FBXW8: variants seen among roughly 807,000 people sequenced by gnomAD.
FBXW8 encodes the protein F-box and WD repeat domain containing 8.
A neutral mutation model predicts 65.3 loss-of-function variants in FBXW8; 57 were observed. That is an observed-to-expected ratio of 0.87 (90% confidence interval 0.71 to 1.09). The LOEUF (loss-of-function observed/expected upper bound fraction) is 1.09, where lower values mean the gene tolerates loss of function less well. Ranked by LOEUF, FBXW8 falls within the 50% of genes least tolerant of loss-of-function variation. The pLI is 0.00. For synonymous variants in FBXW8, 308 were observed against 330.2 expected, an observed-to-expected ratio of 0.93 and a Z score of 0.73; for missense variants, 777 against 814.8, an observed-to-expected ratio of 0.95 and a Z score of 0.57.
Position 116,988,705 on chromosome 12 carries a change from G to C in FBXW8, c.1075G>C (p.Val359Leu). Residue 359 changes from valine to leucine, a missense_variant, in exon 7 of 11, where the codon GTG becomes CTG. By Grantham distance (32) the Val-to-Leu change is conservative. Coordinates refer to ENST00000652555, the MANE Select transcript of FBXW8 (RefSeq NM_153348.3). ...EIVPETRRYPVAVAAAGDLMY... is the reference protein window; with the variant it reads ...EIVPETRRYPLAVAAAGDLMY... ...AGTTCCAGAAACCAGAAGGTACCCTGTGGCAGTAGCCGCTGCTGGAGATCT... is the reference window on the plus strand; with the variant it reads ...AGTTCCAGAAACCAGAAGGTACCCTCTGGCAGTAGCCGCTGCTGGAGATCT... The C allele has an allele frequency of 1.2e-6, 2 of 1,614,162 alleles. No homozygotes were observed. Among genetic ancestry groups the C allele is most frequent in the Non-Finnish European group, 1.7e-6 (2 of 1,180,032 alleles).
chr12:117,002,432 G>C (rs750762730), intron 7 of FBXW8: 3 of 152,382 alleles, frequency 2.0e-5, no homozygotes, highest in Non-Finnish European at 4.4e-5. Flanking sequence ...CTGTTAAGGG[G>C]TGCCATGTTG....
At chr12:116,944,667 A>G (rs190730243) in intron 2 of FBXW8, among the ~76,000 whole-genome samples, 33 of 152,310 alleles carry the variant, frequency 2.2e-4, no homozygotes, top group South Asian at 8.3e-4. Context: ...TGATCCTGTG[A>G]TTAAGTAAAC....
At chr12:117,019,666 C>T (rs1209036076) in intron 8 of FBXW8, among the ~76,000 whole-genome samples, 4 of 152,142 alleles carry the variant, frequency 2.6e-5, no homozygotes, top group South Asian at 2.1e-4. Context: ...ATATAAGGTG[C>T]GCATACAGTT....
At chr12:116,990,538 T>C (rs1055499123) in intron 7 of FBXW8, among the ~76,000 whole-genome samples, 1 of 152,216 alleles carries the variant, frequency 6.6e-6, no homozygotes, top group African/African-American at 2.4e-5. Context: ...TTGTGTTATC[T>C]CATTTATTTT....
chr12:116,962,061 T>G (rs1884016236), intron 4 of FBXW8, among the ~76,000 whole-genome samples: 1 of 152,146 alleles, frequency 6.6e-6, no homozygotes, highest in Non-Finnish European at 1.5e-5. Flanking sequence ...GCCCCTCTCC[T>G]TCTGTACCAG....
chr12:117,012,712 T>G (rs1953855163), intron 8 of FBXW8, among the ~76,000 whole-genome samples: 2 of 152,170 alleles, frequency 1.3e-5, no homozygotes, highest in African/African-American at 4.8e-5. Flanking sequence ...AGGAGAACTA[T>G]GTCCTTGGCT....
intron 4 of FBXW8, among the ~76,000 whole-genome samples, chr12:116,954,111 C>CAAAAAAAA (rs59747365): frequency 9.9e-6 from 1 of 100,646 alleles, no homozygotes. Flanking sequence ...GACTCTGTCT[C>CAAAAAAAA]AAAAAAAAAA....
At chr12:116,930,258 G>C (rs1881665234) in intron 2 of FBXW8, among the ~76,000 whole-genome samples, 1 of 152,160 alleles carries the variant, frequency 6.6e-6, no homozygotes, top group Non-Finnish European at 1.5e-5. Context: ...TTCCTTAATG[G>C]CTGTGCTAAT....
chr12:117,018,941 C>A (rs1954023171), intron 8 of FBXW8, among the ~76,000 whole-genome samples: 1 of 151,898 alleles, frequency 6.6e-6, no homozygotes, highest in Non-Finnish European at 1.5e-5. Context: ...CTCTGATTAA[C>A]CAAATATGCA....
chr12:117,000,472 G>T lies in FBXW8; in HGVS notation c.1240-9851G>T, dbSNP rs559154260. ...TGCCAGCATGCATCAGAATCTACAGGAGACCTGATGAAAACACTGAGCACT... is the reference window on the plus strand; with the variant it reads ...TGCCAGCATGCATCAGAATCTACAGTAGACCTGATGAAAACACTGAGCACT... On this transcript the variant is annotated intron_variant, in intron 7 of 10. Transcript: ENST00000652555. Among the ~76,000 whole-genome samples, 3 of 152,366 alleles carry T rather than the reference G, an allele frequency of 2.0e-5. No individual in the cohort carries two copies. In the East Asian group the frequency reaches 5.8e-4, roughly 29 times the overall value.
At chr12:116,951,223 C>T (rs1016594272) in intron 4 of FBXW8, 4 of 152,190 alleles carry the variant, frequency 2.6e-5, no homozygotes, top group African/African-American at 9.7e-5. Flanking sequence ...CCTGGTGGCT[C>T]CTCTTTCTAA....
In FBXW8 at chr12:116,918,750, G is replaced by A. The variant is rs180921559; in HGVS notation, c.318+7395G>A. Reference sequence around the variant, plus strand: ...AGGTGAGGTCAGCTCTGCCTAAATTGTGTTGACTAAGAGTGGGAGTGGGAT... The same window carrying A: ...AGGTGAGGTCAGCTCTGCCTAAATTATGTTGACTAAGAGTGGGAGTGGGAT... On this transcript the variant is annotated intron_variant, in intron 1 of 10. Transcript: ENST00000652555. Among the ~76,000 whole-genome samples, 44 of 152,322 alleles carry A rather than the reference G, an allele frequency of 2.9e-4. No homozygotes were observed. In the East Asian group the frequency reaches 4.6e-3, roughly 16 times the overall value.
chr12:116,918,633 C>T (rs985892160), intron 1 of FBXW8, among the ~76,000 whole-genome samples: 1 of 152,154 alleles, frequency 6.6e-6, no homozygotes, highest in Non-Finnish European at 1.5e-5. Flanking sequence ...CCTAAATTCC[C>T]ATTGCTGCAA....
intron 1 of FBXW8, among the ~76,000 whole-genome samples, chr12:116,926,895 T>C (rs4766812): frequency 0.69 from 105,208 of 152,042 alleles, 40,609 homozygotes; most frequent in Non-Finnish European, 0.85. Context: ...TGAGTCTTGG[T>C]AGGGTCTAAA....
chr12:117,011,526 C>A (rs970312092), intron 8 of FBXW8, among the ~76,000 whole-genome samples: 1 of 152,148 alleles, frequency 6.6e-6, no homozygotes, highest in Admixed American at 6.5e-5. Flanking sequence ...GTGGGGCACG[C>A]ACTGGGCTAG....
intron 8 of FBXW8, among the ~76,000 whole-genome samples, chr12:117,023,106 C>G (rs550551458): frequency 1.4e-4 from 21 of 152,276 alleles, no homozygotes; most frequent in Admixed American, 5.9e-4. Flanking sequence ...GGTAGCTAAG[C>G]TAGGTATAGA....
chr12:116,995,205 G>A (rs753387311), intron 7 of FBXW8, among the ~76,000 whole-genome samples: 3 of 152,178 alleles, frequency 2.0e-5, no homozygotes, highest in Non-Finnish European at 2.9e-5. Flanking sequence ...AAGAAAGATC[G>A]GCAGCGTACG....
intron 6 of FBXW8, chr12:116,986,934 G>A (rs1885733760): frequency 6.6e-6 from 1 of 152,240 alleles, no homozygotes; most frequent in Admixed American, 6.5e-5. Context: ...GGAGTGAGAG[G>A]AACCGAGCAG....
intron 2 of FBXW8, among the ~76,000 whole-genome samples, chr12:116,941,260 G>T (rs976562583): frequency 1.9e-4 from 29 of 152,224 alleles, no homozygotes; most frequent in African/African-American, 7.0e-4. Context: ...GATACACCTA[G>T]TTGATCTCCA....
Sources: allele counts gnomAD v4.1 joint callset (sites outside exome capture counted in the v4.1 genomes callset), GRCh38; gene constraint gnomAD v4.1.1; transcripts MANE v1.5; gene names NCBI Gene and HGNC (gene_info 2026-07-23, HGNC 2026-07-21).